PCBP3: variants seen among roughly 807,000 people sequenced by gnomAD.
The protein encoded by PCBP3 is poly(rC)-binding protein 3.
A neutral mutation model predicts 52.7 loss-of-function variants in PCBP3; 25 were observed. The ratio of observed to expected loss-of-function variants is 0.47; its 90% CI spans 0.35 to 0.66. The LOEUF (loss-of-function observed/expected upper bound fraction) is 0.66, where lower values mean the gene tolerates loss of function less well. PCBP3 is among the 30% of genes least tolerant of loss of function. The pLI is 0.01. For synonymous variants in PCBP3, 162 were observed against 183.0 expected (o/e 0.89, Z 0.93); for missense variants, 391 against 490.3 (o/e 0.80, Z 1.91).
At position 45,821,566 on chromosome 21, in the gene PCBP3, C is replaced by G. The variant is rs113548622; in HGVS notation, c.-125-28395C>G. Among the ~76,000 whole-genome samples, 2,197 of 151,994 alleles carry G rather than the reference C, an allele frequency of 0.014. 56 individuals carry two copies. Among genetic ancestry groups the G allele is most frequent in the African/African-American group, 0.049 (2,043 of 41,460 alleles). ...TGCCTGCACCCTGCTGTGGGCCCCG[C>G]CCCCTCCCCTAACTCATTTCTAGAA... On this transcript the variant is annotated intron_variant, in intron 4 of 17. Coordinates refer to ENST00000681687, the MANE Select transcript of PCBP3 (RefSeq NM_001384156.1). The surrounding 1 kb of genome is among the most constrained non-coding windows in gnomAD (Gnocchi z 4.4).
Position 45,812,681 on chromosome 21 carries a change from C to T in PCBP3, c.-125-37280C>T, listed in dbSNP as rs142617070. ...TGCTGGGATTACAGGCGTGAGCCAC[C>T]ATGCCCGGCTGTGAACATTTTTTGT... is the stretch of plus-strand genomic sequence containing the variant. On this transcript the variant is annotated intron_variant, in intron 4 of 17. Coordinates refer to ENST00000681687, the MANE Select transcript of PCBP3 (RefSeq NM_001384156.1). 3.7e-3 allele frequency among the ~76,000 whole-genome samples: 571 copies of T among 152,336 alleles called. 2 individuals are homozygous for T. Among genetic ancestry groups the T allele is most frequent in the African/African-American group, 0.013 (551 of 41,580 alleles).
At chr21:45,649,043 T>C (rs1459588840) in intron 1 of PCBP3, among the ~76,000 whole-genome samples, 1 of 152,246 alleles carries the variant, frequency 6.6e-6, no homozygotes, top group African/African-American at 2.4e-5. Context: ...TAGTCCATTT[T>C]CATGCTGCTG....
intron 5 of PCBP3, among the ~76,000 whole-genome samples, chr21:45,868,858 CGCAGGA>C (rs2094876115): frequency 1.3e-5 from 2 of 152,298 alleles, no homozygotes; most frequent in Admixed American, 6.5e-5. Context: ...ACAGGAGCCC[CGCAGGA>C]CGTGGGGTTG....
At chr21:45,822,834 C>G (rs532365948) in intron 4 of PCBP3, among the ~76,000 whole-genome samples, 8 of 152,166 alleles carry the variant, frequency 5.3e-5, no homozygotes, top group African/African-American at 1.9e-4. Flanking sequence ...TTCAGGCTAT[C>G]CCTCTGCTGG....
chr21:45,850,244 A>G (rs2093942295), intron 5 of PCBP3, 149 bp downstream of exon 5: 2 of 730,086 alleles, frequency 2.7e-6, no homozygotes, highest in African/African-American at 1.7e-5. Flanking sequence ...CCTGAAGACT[A>G]TTCTGTATAT....
intron 1 of PCBP3, among the ~76,000 whole-genome samples, chr21:45,652,137 G>A (rs995791462): frequency 1.3e-5 from 2 of 152,154 alleles, no homozygotes; most frequent in African/African-American, 4.8e-5. Context: ...GACAAATAAA[G>A]CCTTGTATCC....
chr21:45,649,165 C>T (rs1016182507), intron 1 of PCBP3, among the ~76,000 whole-genome samples: 30 of 152,172 alleles, frequency 2.0e-4, no homozygotes, highest in Admixed American at 3.3e-4. Flanking sequence ...AAAGGTACAT[C>T]TCACATGGCA....
chr21:45,933,729 C>T (rs1314958580), intron 15 of PCBP3, among the ~76,000 whole-genome samples: 1 of 152,228 alleles, frequency 6.6e-6, no homozygotes, highest in Non-Finnish European at 1.5e-5. Flanking sequence ...AGCTGATCCC[C>T]TCCTGTGCTG....
intron 3 of PCBP3, among the ~76,000 whole-genome samples, chr21:45,754,087 G>C (rs997635593): frequency 6.6e-6 from 1 of 151,872 alleles, no homozygotes; most frequent in Non-Finnish European, 1.5e-5. Flanking sequence ...TAGGTAAAAT[G>C]TATTTTACTT....
At chr21:45,752,321 C>A (rs778842907) in intron 3 of PCBP3, among the ~76,000 whole-genome samples, 135 of 151,634 alleles carry the variant, frequency 8.9e-4, no homozygotes, top group Non-Finnish European at 1.6e-3. Flanking sequence ...TTTCATTAAT[C>A]TAAGTTTTTA....
At chr21:45,784,469 TC>T (rs1344546051) in intron 4 of PCBP3, among the ~76,000 whole-genome samples, 12 of 150,170 alleles carry the variant, frequency 8.0e-5, no homozygotes, top group Admixed American at 7.9e-4. Context: ...ACCTCCTACC[TC>T]CTACCTCTAC....
intron 1 of PCBP3, among the ~76,000 whole-genome samples, chr21:45,654,338 ATT>A (rs398036499): frequency 6.0e-4 from 66 of 109,362 alleles, no homozygotes; most frequent in Middle Eastern, 5.5e-3. Context: ...TAGACATTGC[ATT>A]TTTTTTTTTT....
chr21:45,734,002 C>T (rs77958846), intron 2 of PCBP3, among the ~76,000 whole-genome samples: 109 of 152,270 alleles, frequency 7.2e-4, no homozygotes, highest in Non-Finnish European at 1.2e-3. Context: ...CAGTTTTGGA[C>T]GGATGAAAGA....
chr21:45,818,809 G>A (rs2093042420), intron 4 of PCBP3, among the ~76,000 whole-genome samples: 1 of 152,224 alleles, frequency 6.6e-6, no homozygotes, highest in South Asian at 2.1e-4. Context: ...CATCCAGACA[G>A]TGGAATATGA....
rs113389686 is a variant in PCBP3, at chr21:45,791,386, G to A, written c.-126+35934G>A. ...GGTCTGGTCTGGTGTACACTGAGTC[G>A]TTTGTGTTCTCCAGTTGTGTGCAGC... On this transcript the variant is annotated intron_variant, in intron 4 of 17. Transcript: ENST00000681687. This position sits in a 1 kb window ranked among gnomAD's most constrained non-coding sequence, Gnocchi z 4.2. Among the ~76,000 whole-genome samples the A allele has an allele frequency of 8.8e-3, 1,334 of 152,270 alleles. 34 individuals carry two copies. The highest frequency in any genetic ancestry group is 0.03 in the African/African-American group (1,258 of 41,534).
Position 45,929,549 on chromosome 21 carries a change from C to T in PCBP3, c.718-368C>T, listed in dbSNP as rs553222155. Reference sequence around the variant, plus strand: ...CTCGGCCTTGAATCTCCTAGAAGTGCAGCTGGTCTTCATCTGTGGCTCCTG... The same window carrying T: ...CTCGGCCTTGAATCTCCTAGAAGTGTAGCTGGTCTTCATCTGTGGCTCCTG... On this transcript the variant is annotated intron_variant, in intron 13 of 17. Coordinates refer to ENST00000681687, the MANE Select transcript of PCBP3 (RefSeq NM_001384156.1). 1.1e-3 allele frequency among the ~76,000 whole-genome samples: 164 copies of T among 152,372 alleles called. 1 individual carries two copies. Among genetic ancestry groups the T allele is most frequent in the Admixed American group, 1.6e-3 (24 of 15,314 alleles).
At chr21:45,756,859 T>C (rs1412752762) in intron 4 of PCBP3, among the ~76,000 whole-genome samples, 4 of 152,246 alleles carry the variant, frequency 2.6e-5, no homozygotes, top group African/African-American at 9.6e-5. Flanking sequence ...GGCTGAATAA[T>C]ATTCCATTGT....
chr21:45,796,462 T>G (rs985585895), intron 4 of PCBP3, among the ~76,000 whole-genome samples: 5 of 152,242 alleles, frequency 3.3e-5, no homozygotes, highest in African/African-American at 1.2e-4. Context: ...TTGTCTGTCT[T>G]CTGTATGTAT....
rs2093011567 is a variant in PCBP3, at chr21:45,817,801, C to T, written c.-125-32160C>T. Among the ~76,000 whole-genome samples the T allele has an allele frequency of 6.6e-6, 1 of 152,198 alleles. No homozygotes were observed. Among genetic ancestry groups the T allele is most frequent in the South Asian group, 2.1e-4 (1 of 4,832 alleles). On this transcript the variant is annotated intron_variant, in intron 4 of 17. Coordinates refer to ENST00000681687, the MANE Select transcript of PCBP3 (RefSeq NM_001384156.1). This position sits in a 1 kb window ranked among gnomAD's most constrained non-coding sequence, Gnocchi z 4.3. ...CATGGTTGGAATCAAAATCCAAAAC[C>T]TTGTGGTTTCCATTTTCAGTTGATG... is the stretch of plus-strand genomic sequence containing the variant.
Sources: allele counts gnomAD v4.1 joint callset (sites outside exome capture counted in the v4.1 genomes callset), GRCh38; gene constraint gnomAD v4.1.1; non-coding constraint Gnocchi (gnomAD v3.1); transcripts MANE v1.5; gene names NCBI Gene and HGNC (gene_info 2026-07-23, HGNC 2026-07-21).